RAX2: variants seen among roughly 807,000 people sequenced by gnomAD.
RAX2 encodes the protein retina and anterior neural fold homeobox 2, also known as retina and anterior neural fold homeobox protein 2.
A neutral mutation model predicts 5.8 loss-of-function variants in RAX2; 4 were observed. The observed-to-expected ratio is 0.69, with a 90% CI of 0.34 to 1.58. The LOEUF is 1.58. RAX2 is among the 40% of genes most tolerant of loss of function. The pLI is 0.05. For missense variants in RAX2, 275 were observed against 271.4 expected, an observed-to-expected ratio of 1.01 and a Z score of -0.09; for synonymous variants, 133 against 128.8, an observed-to-expected ratio of 1.03 and a Z score of -0.22.
chr19:3,772,200 C>A lies in RAX2; in HGVS notation c.-306G>T. 4.4e-6 allele frequency: 2 copies of A among 454,338 alleles called. No individual in the cohort carries two copies. Among genetic ancestry groups the A allele is most frequent in the South Asian group, 3.1e-5 (2 of 64,016 alleles). The allele number at this position is 454,338 out of a possible 1,614,324, so 28.1% of individuals were successfully genotyped here. A position where few individuals can be genotyped will look rare whatever the true frequency, so the allele number is the denominator to read the frequency against. ...CCCCTCCGTCGATTTCCACGGGACA[C>A]CTGCCCCAGCGGGCCTGGCGCTGCG... is the stretch of plus-strand genomic sequence containing the variant. On this transcript the variant is annotated 5_prime_UTR_variant, in exon 1 of 3. Coordinates refer to ENST00000555633, the MANE Select transcript of RAX2 (RefSeq NM_001319074.4).
Position 3,770,563 on chromosome 19 carries a change from AG to A in RAX2, c.*57del. 5.5e-6 allele frequency: 8 copies of A among 1,461,390 alleles called. No homozygotes were observed. Among genetic ancestry groups the A allele is most frequent in the Non-Finnish European group, 7.4e-6 (8 of 1,087,418 alleles). 90.5% of individuals were successfully genotyped at this position (1,461,390 alleles called of 1,614,324 possible). A position where few individuals can be genotyped will look rare whatever the true frequency, so the allele number is the denominator to read the frequency against. On this transcript the variant is annotated 3_prime_UTR_variant, in exon 3 of 3. Transcript: ENST00000555633. ...AGGCCAAGGCGTGGTGGCTGTCACC[AG>A]GGCACGTCCCCGGTTCTCGGGTTGG...
In RAX2 at chr19:3,770,169, G is replaced by A; in HGVS notation, c.*452C>T. The A allele has an allele frequency of 5.8e-6, 1 of 172,962 alleles. No individual in the cohort carries two copies. 10.7% of individuals were successfully genotyped at this position (172,962 alleles called of 1,614,324 possible). A position where few individuals can be genotyped will look rare whatever the true frequency, so the allele number is the denominator to read the frequency against. On this transcript the variant is annotated 3_prime_UTR_variant, in exon 3 of 3. Transcript: ENST00000555633. ...CTGCTGCTATTTGTTATTTCCAGGG[G>A]ACTGGGAGCCTGGAGAGTGGGCAGC... is the stretch of plus-strand genomic sequence containing the variant.
chr19:3,771,261 T>A lies in RAX2; in HGVS notation c.216+266A>T, dbSNP rs962368609. Among the ~76,000 whole-genome samples, 1 of 152,066 alleles carries A rather than the reference T, an allele frequency of 6.6e-6. No homozygotes were observed. Among genetic ancestry groups the A allele is most frequent in the Non-Finnish European group, 1.5e-5 (1 of 68,010 alleles). On this transcript the variant is annotated intron_variant, in intron 2 of 2. Coordinates refer to ENST00000555633, the MANE Select transcript of RAX2 (RefSeq NM_001319074.4). The surrounding 1 kb of genome is among the most constrained non-coding windows in gnomAD (Gnocchi z 4.2). ...GTTGTTACCCACACCATTCTCTGCC[T>A]CCTCCTTCACCCCTGGCTCAAGGGA...
chr19:3,771,965 T>C lies in RAX2; in HGVS notation c.-223A>G. 1 of 763,816 alleles carries C rather than the reference T, an allele frequency of 1.3e-6. No homozygotes were observed. 47.3% of individuals were successfully genotyped at this position (763,816 alleles called of 1,614,324 possible). ...GTCTGCTCTTCCTTCTCTCTGTGTGTGTCACCGTCCCTGTTTTCTCTTCCC... is the reference window on the plus strand; with the variant it reads ...GTCTGCTCTTCCTTCTCTCTGTGTGCGTCACCGTCCCTGTTTTCTCTTCCC... On this transcript the variant is annotated 5_prime_UTR_variant, in exon 2 of 3. Transcript: ENST00000555633. The surrounding 1 kb of genome is among the most constrained non-coding windows in gnomAD (Gnocchi z 4.2).
chr19:3,772,147 C>A lies in RAX2; in HGVS notation c.-269+16G>T. ...CACCTCCTACCCAGGCCCACCAGTGCCCACCCCGCACTCACCGCCCACGGC... is the reference window on the plus strand; with the variant it reads ...CACCTCCTACCCAGGCCCACCAGTGACCACCCCGCACTCACCGCCCACGGC... On this transcript the variant is annotated intron_variant, in intron 1 of 2. Transcript: ENST00000555633. The A allele has an allele frequency of 2.2e-6, 1 of 462,168 alleles. No homozygotes were observed. Among genetic ancestry groups the A allele is most frequent in the Non-Finnish European group, 4.3e-6 (1 of 232,436 alleles). 28.6% of individuals were successfully genotyped at this position (462,168 alleles called of 1,614,324 possible).
At chr19:3,770,985 G>T (rs1390263737) in intron 2 of RAX2, 26 bp from the exon 3 acceptor site, 32 of 1,514,310 alleles carry the variant, frequency 2.1e-5, no homozygotes, top group Non-Finnish European at 2.5e-5. Context: ...GGGAAGGGGG[G>T]TTGCTGTGAG....
chr19:3,772,007 C>G lies in RAX2; in HGVS notation c.-265G>C. ...TCTCTTCCCCTCTCTGTGACTGTCA[C>G]GGCCTGTGTGTGTGTGTGTCGGCGG... is the stretch of plus-strand genomic sequence containing the variant. On this transcript the variant is annotated 5_prime_UTR_variant, in exon 2 of 3. Coordinates refer to ENST00000555633, the MANE Select transcript of RAX2 (RefSeq NM_001319074.4). 1 of 547,672 alleles carries G rather than the reference C, an allele frequency of 1.8e-6. No individual in the cohort carries two copies. The allele number at this position is 547,672 out of a possible 1,614,324, so 33.9% of individuals were successfully genotyped here. A position where few individuals can be genotyped will look rare whatever the true frequency, so the allele number is the denominator to read the frequency against.
At chr19:3,772,093 C>A (rs1032271311) in intron 1 of RAX2, 70 bp downstream of exon 1, 25 of 462,862 alleles carry the variant, frequency 5.4e-5, no homozygotes, top group African/African-American at 4.4e-4. Context: ...GCCCTAAGCC[C>A]TCCACCCTGA....
Position 3,771,599 on chromosome 19 carries a change from G to C in RAX2, c.144C>G (p.Ala48=). ...QLHQLERAFE[A]SHYPDVYSRE... The stretch of plus-strand genomic sequence containing the variant: ...GGCTGTACACATCCGGGTAGTGAGA[G>C]GCCTCGAACGCCCGCTCCAGCTGGT... The change falls in exon 2 of 3, where the codon GCC becomes GCG. Residue 48 remains alanine, a synonymous_variant. Transcript: ENST00000555633. This position sits in a 1 kb window ranked among gnomAD's most constrained non-coding sequence, Gnocchi z 4.2. 1.2e-6 allele frequency: 2 copies of C among 1,612,236 alleles called. No homozygotes were observed. The highest frequency in any genetic ancestry group is 1.7e-6 in the Non-Finnish European group (2 of 1,179,538).
At position 3,770,757 on chromosome 19, in the gene RAX2, G is replaced by A. The variant is rs750394661; in HGVS notation, c.419C>T (p.Pro140Leu). The change falls in exon 3 of 3, where the codon CCG (proline) becomes CTG (leucine). Residue 140 changes from proline to leucine, a missense_variant. Transcript: ENST00000555633. The part of the protein sequence containing the change: ...PGLPRLLGPG[P>L]GLQASFGPHA... Reference sequence around the variant, plus strand: ...AGGCCCGAAGGACGCTTGCAGCCCCGGGCCCGGGCCCAGGAGGCGGGGGAG... The same window carrying A: ...AGGCCCGAAGGACGCTTGCAGCCCCAGGCCCGGGCCCAGGAGGCGGGGGAG... The A allele has an allele frequency of 5.9e-6, 9 of 1,529,944 alleles. No homozygotes were observed. Among genetic ancestry groups the A allele is most frequent in the East Asian group, 2.5e-5 (1 of 40,360 alleles). 94.8% of individuals were successfully genotyped at this position (1,529,944 alleles called of 1,614,324 possible).
chr19:3,771,901 GTCC>G lies in RAX2; in HGVS notation c.-162_-160del. The G allele has an allele frequency of 2.2e-6, 3 of 1,383,944 alleles. No individual in the cohort carries two copies. Among genetic ancestry groups the G allele is most frequent in the Non-Finnish European group, 2.9e-6 (3 of 1,050,586 alleles). 85.7% of individuals were successfully genotyped at this position (1,383,944 alleles called of 1,614,324 possible). A position where few individuals can be genotyped will look rare whatever the true frequency, so the allele number is the denominator to read the frequency against. The stretch of plus-strand genomic sequence containing the variant: ...GGCATGCGCTCTGCATCCCCAGGCT[GTCC>G]TCCTCGGGCTTGGGGGGGTCTCCTG... On this transcript the variant is annotated 5_prime_UTR_variant, in exon 2 of 3. Coordinates refer to ENST00000555633, the MANE Select transcript of RAX2 (RefSeq NM_001319074.4). The surrounding 1 kb of genome is among the most constrained non-coding windows in gnomAD (Gnocchi z 4.2).
Position 3,770,745 on chromosome 19 carries a change from G to T in RAX2, c.431C>A (p.Ala144Glu), listed in dbSNP as rs989493054. Reference protein sequence around the residue: ...RLLGPGPGLQASFGPHAFAPT... With the variant: ...RLLGPGPGLQESFGPHAFAPT... ...AGCAAAGGCATGAGGCCCGAAGGACGCTTGCAGCCCCGGGCCCGGGCCCAG... is the reference window on the plus strand; with the variant it reads ...AGCAAAGGCATGAGGCCCGAAGGACTCTTGCAGCCCCGGGCCCGGGCCCAG... Residue 144 changes from alanine to glutamate, a missense_variant, in exon 3 of 3, where the codon GCG becomes GAG. By Grantham distance (107) the Ala-to-Glu change is moderately radical (BLOSUM62 -1). Transcript: ENST00000555633. 19 of 1,532,926 alleles carry T rather than the reference G, an allele frequency of 1.2e-5. No homozygotes were observed. The highest frequency in any genetic ancestry group is 1.7e-5 in the Non-Finnish European group (19 of 1,145,396). 95.0% of individuals were successfully genotyped at this position (1,532,926 alleles called of 1,614,324 possible).
Position 3,770,878 on chromosome 19 carries a change from G to A in RAX2, c.298C>T (p.Leu100Phe), listed in dbSNP as rs1242412901. Residue 100 changes from leucine (L) to phenylalanine (F), a missense_variant, in exon 3 of 3, where the codon CTC becomes TTC. Coordinates refer to ENST00000555633, the MANE Select transcript of RAX2 (RefSeq NM_001319074.4). ...SGSGAVAAPRLPEAPALPFAR... is the reference protein window; with the variant it reads ...SGSGAVAAPRFPEAPALPFAR... ...AACGGCAGCGCTGGGGCCTCGGGGA[G>A]TCTCGGAGCTGCCACGGCACCCGAG... is the stretch of plus-strand genomic sequence containing the variant. The A allele has an allele frequency of 6.5e-7, 1 of 1,537,650 alleles. No individual in the cohort carries two copies. Among genetic ancestry groups the A allele is most frequent in the African/African-American group, 1.4e-5 (1 of 73,182 alleles).
In RAX2 at chr19:3,770,877, A is replaced by T. The variant is rs1295224576; in HGVS notation, c.299T>A (p.Leu100His). The change falls in exon 3 of 3, where the codon CTC (leucine) becomes CAC (histidine). Residue 100 changes from leucine to histidine, a missense_variant. Coordinates refer to ENST00000555633, the MANE Select transcript of RAX2 (RefSeq NM_001319074.4). The stretch of plus-strand genomic sequence containing the variant: ...GAACGGCAGCGCTGGGGCCTCGGGG[A>T]GTCTCGGAGCTGCCACGGCACCCGA... ...SGSGAVAAPR[L>H]PEAPALPFAR... 1 of 1,536,760 alleles carries T rather than the reference A, an allele frequency of 6.5e-7. No individual in the cohort carries two copies. Among genetic ancestry groups the T allele is most frequent in the Admixed American group, 2.0e-5 (1 of 51,112 alleles).
chr19:3,770,726 G>T lies in RAX2; in HGVS notation c.450C>A (p.Ala150=). 1 of 1,535,266 alleles carries T rather than the reference G, an allele frequency of 6.5e-7. No individual in the cohort carries two copies. The change falls in exon 3 of 3, where the codon GCC becomes GCA. Residue 150 remains alanine, a synonymous_variant. Transcript: ENST00000555633. ...AGCCATCTGCGAAGGTGGGAGCAAA[G>T]GCATGAGGCCCGAAGGACGCTTGCA... ...PGLQASFGPH[A]FAPTFADGFA... is the part of the protein sequence containing the mutation.
At position 3,772,171 on chromosome 19, in the gene RAX2, G is replaced by C. The variant is rs1440609438; in HGVS notation, c.-277C>G. The C allele has an allele frequency of 2.2e-6, 1 of 457,794 alleles. No individual in the cohort carries two copies. Among genetic ancestry groups the C allele is most frequent in the East Asian group, 6.8e-5 (1 of 14,744 alleles). The allele number at this position is 457,794 out of a possible 1,614,324, so 28.4% of individuals were successfully genotyped here. A position where few individuals can be genotyped will look rare whatever the true frequency, so the allele number is the denominator to read the frequency against. On this transcript the variant is annotated 5_prime_UTR_variant, in exon 1 of 3. Transcript: ENST00000555633. Reference sequence around the variant, plus strand: ...GCCCACCCCGCACTCACCGCCCACGGCAGCCCCTCCGTCGATTTCCACGGG... The same window carrying C: ...GCCCACCCCGCACTCACCGCCCACGCCAGCCCCTCCGTCGATTTCCACGGG...
rs957818577 is a variant in RAX2 at position 3,770,737 on chromosome 19, C to T, written c.439G>A (p.Gly147Arg). 1.4e-5 allele frequency: 21 copies of T among 1,533,820 alleles called. No individual in the cohort carries two copies. The highest frequency in any genetic ancestry group is 1.1e-4 in the African/African-American group (8 of 72,596). The change falls in exon 3 of 3, where the codon GGG becomes AGG. Residue 147 changes from glycine (G) to arginine (R), a missense_variant. Transcript: ENST00000555633. ...GPGPGLQASF[G>R]PHAFAPTFAD... ...AAGGTGGGAGCAAAGGCATGAGGCC[C>T]GAAGGACGCTTGCAGCCCCGGGCCC...
chr19:3,770,920 C>A lies in RAX2; in HGVS notation c.256G>T (p.Glu86Ter). ...GCACCCGAGCCTGACTCCAGCCGCT[C>A]CTGGCGGCGCCACTTGGCCCGGCGG... is the stretch of plus-strand genomic sequence containing the variant. ...QNRRAKWRRQ[E>*]RLESGSGAVA... The change falls in exon 3 of 3, where the codon GAG becomes TAG. Residue 86 changes from glutamate (E) to a stop codon, truncating the protein, a stop_gained. Coordinates refer to ENST00000555633, the MANE Select transcript of RAX2 (RefSeq NM_001319074.4). LOFTEE classifies it low-confidence loss of function (END_TRUNC). 1 of 1,559,116 alleles carries A rather than the reference C, an allele frequency of 6.4e-7. No homozygotes were observed.
At position 3,770,258 on chromosome 19, in the gene RAX2, G is replaced by A. The variant is rs540904191; in HGVS notation, c.*363C>T. 31 of 316,984 alleles carry A rather than the reference G, an allele frequency of 9.8e-5. No individual in the cohort carries two copies. Among genetic ancestry groups the A allele is most frequent in the Non-Finnish European group, 1.6e-4 (28 of 171,704 alleles). 19.6% of individuals were successfully genotyped at this position (316,984 alleles called of 1,614,324 possible). A position where few individuals can be genotyped will look rare whatever the true frequency, so the allele number is the denominator to read the frequency against. On this transcript the variant is annotated 3_prime_UTR_variant, in exon 3 of 3. Coordinates refer to ENST00000555633, the MANE Select transcript of RAX2 (RefSeq NM_001319074.4). Reference sequence around the variant, plus strand: ...CTCATCTTACAGAGTCAGCGGTCCCGCCACCCACAGCCTCGCAGCCCTCGA... The same window carrying A: ...CTCATCTTACAGAGTCAGCGGTCCCACCACCCACAGCCTCGCAGCCCTCGA...
Sources: gnomAD v4.1 joint callset for allele counts (sites outside exome capture counted in the v4.1 genomes callset) on GRCh38, gnomAD v4.1.1 for gene constraint, Gnocchi (gnomAD v3.1) non-coding constraint, MANE v1.5 for transcripts, NCBI Gene and HGNC (gene_info 2026-07-23, HGNC 2026-07-21) for gene names.